ELAPOR2: variants seen among roughly 807,000 people sequenced by gnomAD.
ELAPOR2 encodes the protein endosome/lysosome-associated apoptosis and autophagy regulator family member 2.
A neutral mutation model predicts 120.7 loss-of-function variants in ELAPOR2; 89 were observed. The ratio of observed to expected loss-of-function variants is 0.74; its 90% CI spans 0.62 to 0.88. The LOEUF (loss-of-function observed/expected upper bound fraction) is 0.88, where lower values mean the gene tolerates loss of function less well. Ranked by LOEUF, ELAPOR2 falls within the 40% of genes least tolerant of loss-of-function variation. The probability of loss-of-function intolerance (pLI) is 0.00; values close to 1 mark genes in which losing one functional copy is unlikely to be tolerated. For missense variants in ELAPOR2, 1,134 were observed against 1,251.6 expected (o/e 0.91, Z 1.42); for synonymous variants, 444 against 444.9 (o/e 1.00, Z 0.03).
Position 86,897,455 on chromosome 7 carries a change from A to C in ELAPOR2, c.2685+51T>G, listed in dbSNP as rs75527762. On this transcript the variant is annotated intron_variant, in intron 19 of 21. Transcript: ENST00000450689. ...ACCTGAGTTTCTATGATTTGATGCC[A>C]GATTAACCAACTATAATGCCGAAGC... 7,447 of 1,581,484 alleles carry C rather than the reference A, an allele frequency of 4.7e-3. 58 individuals are homozygous for C. The highest frequency in any genetic ancestry group is 0.035 in the African/African-American group (2,543 of 73,528).
intron 2 of ELAPOR2, among the ~76,000 whole-genome samples, chr7:86,961,779 T>C (rs1791718177): frequency 6.6e-6 from 1 of 152,228 alleles, no homozygotes; most frequent in Non-Finnish European, 1.5e-5. Context: ...AGGAATGGCA[T>C]GCTACTTGCA....
chr7:86,956,490 G>C (rs1271007667), intron 2 of ELAPOR2, among the ~76,000 whole-genome samples: 1 of 152,118 alleles, frequency 6.6e-6, no homozygotes. Flanking sequence ...GGAACTGTAT[G>C]ACTATCACTG....
At chr7:86,902,406 C>T (rs1788767627) in intron 18 of ELAPOR2, among the ~76,000 whole-genome samples, 1 of 152,230 alleles carries the variant, frequency 6.6e-6, no homozygotes, top group South Asian at 2.1e-4. Flanking sequence ...AAACTCCTGA[C>T]CTCATTTGAT....
intron 1 of ELAPOR2, among the ~76,000 whole-genome samples, chr7:87,007,685 A>G (rs1466045805): frequency 1.3e-5 from 2 of 152,228 alleles, no homozygotes; most frequent in Non-Finnish European, 2.9e-5. Context: ...CAGGAAAAGT[A>G]TATGATAAGC....
chr7:86,937,756 G>T (rs1790627731), intron 8 of ELAPOR2, among the ~76,000 whole-genome samples: 1 of 151,984 alleles, frequency 6.6e-6, no homozygotes, highest in African/African-American at 2.4e-5. Flanking sequence ...ATTACTTCTG[G>T]AAAAAATGTA....
chr7:86,983,198 A>T (rs559614579), intron 1 of ELAPOR2, among the ~76,000 whole-genome samples: 1 of 152,354 alleles, frequency 6.6e-6, no homozygotes, highest in South Asian at 2.1e-4. Flanking sequence ...GAAAAGACCA[A>T]ATCTACATTT....
intron 2 of ELAPOR2, among the ~76,000 whole-genome samples, chr7:86,962,261 C>T (rs1187896782): frequency 6.6e-6 from 1 of 152,184 alleles, no homozygotes; most frequent in Non-Finnish European, 1.5e-5. Context: ...TCCCCCACTG[C>T]TTCTTTCTGA....
chr7:86,993,439 G>A (rs1286784728), intron 1 of ELAPOR2, among the ~76,000 whole-genome samples: 3 of 152,032 alleles, frequency 2.0e-5, no homozygotes, highest in Non-Finnish European at 2.9e-5. Flanking sequence ...TCAAAGAGAT[G>A]AGTTATTTCA....
intron 21 of ELAPOR2, chr7:86,891,474 T>C (rs890151349): frequency 1.0e-5 from 4 of 384,638 alleles, no homozygotes; most frequent in Non-Finnish European, 1.4e-5. Flanking sequence ...CAGAGTTGCA[T>C]AGTATTCTAT....
At chr7:86,926,660 A>G in intron 9 of ELAPOR2, 76 bp downstream of exon 9, 1 of 1,363,484 alleles carries the variant, frequency 7.3e-7, no homozygotes, top group Non-Finnish European at 9.9e-7. Flanking sequence ...CATAAAAACA[A>G]TTTAGAAAAT....
chr7:86,925,592 G>T lies in ELAPOR2; in HGVS notation c.1335C>A (p.Val445=). The change falls in exon 10 of 22, where the codon GTC becomes GTA. Residue 445 remains valine (V), a synonymous_variant. Coordinates refer to ENST00000450689, the MANE Select transcript of ELAPOR2 (RefSeq NM_001142749.3). ...AGGAAGTTTTCATGTTGCCAGGAAGGACATTCCACCATTTATATTCAAAGC... is the reference window on the plus strand; with the variant it reads ...AGGAAGTTTTCATGTTGCCAGGAAGTACATTCCACCATTTATATTCAAAGC... ...ALGFEYKWWN[V]LPGNMKTSCF... The T allele has an allele frequency of 1.2e-6, 2 of 1,611,932 alleles. No individual in the cohort carries two copies. The highest frequency in any genetic ancestry group is 2.2e-5 in the South Asian group (2 of 91,042).
chr7:86,943,869 G>A (rs1290938652), intron 4 of ELAPOR2, among the ~76,000 whole-genome samples: 1 of 152,052 alleles, frequency 6.6e-6, no homozygotes, highest in African/African-American at 2.4e-5. Flanking sequence ...CTCCTTAAAA[G>A]ATATTGTCAC....
intron 1 of ELAPOR2, among the ~76,000 whole-genome samples, chr7:86,983,382 T>C (rs1037846509): frequency 3.9e-5 from 6 of 151,970 alleles, no homozygotes; most frequent in African/African-American, 1.5e-4. Context: ...AGACACATAA[T>C]TGTCAGATTC....
At chr7:86,917,542 T>C (rs1789621582) in intron 12 of ELAPOR2, among the ~76,000 whole-genome samples, 1 of 152,180 alleles carries the variant, frequency 6.6e-6, no homozygotes, top group African/African-American at 2.4e-5. Context: ...GCAATGGCAC[T>C]GAGTATGAGA....
chr7:86,989,880 T>C (rs1440911810), intron 1 of ELAPOR2, among the ~76,000 whole-genome samples: 4 of 152,044 alleles, frequency 2.6e-5, no homozygotes, highest in African/African-American at 7.2e-5. Context: ...TATTCAGCAT[T>C]AGGCAAAATT....
At chr7:86,912,880 G>C (rs1255140744) in intron 14 of ELAPOR2, 61 bp downstream of exon 14, 4 of 1,561,184 alleles carry the variant, frequency 2.6e-6, no homozygotes, top group Non-Finnish European at 3.5e-6. Context: ...TAAGGAGAAC[G>C]CTTGAATTTC....
chr7:86,919,193 G>T, intron 11 of ELAPOR2, 27 bp downstream of exon 11: 1 of 1,516,476 alleles, frequency 6.6e-7, no homozygotes, highest in African/African-American at 1.4e-5. Flanking sequence ...GATTCTTACA[G>T]AAAAGAATTA....
At chr7:86,994,718 A>C (rs4728657) in intron 1 of ELAPOR2, among the ~76,000 whole-genome samples, 57,384 of 151,720 alleles carry the variant, frequency 0.38, 11,691 homozygotes, top group African/African-American at 0.53. Context: ...GGTAAGAAAA[A>C]GTTGACTTAG....
intron 1 of ELAPOR2, among the ~76,000 whole-genome samples, chr7:86,987,485 TAAAC>T (rs1285382832): frequency 6.6e-6 from 1 of 151,890 alleles, no homozygotes; most frequent in African/African-American, 2.4e-5. Flanking sequence ...ACAAAGAACT[TAAAC>T]AAACTTACAA....
Sources: allele counts gnomAD v4.1 joint callset (sites outside exome capture counted in the v4.1 genomes callset), GRCh38; gene constraint gnomAD v4.1.1; transcripts MANE v1.5; gene names NCBI Gene and HGNC (gene_info 2026-07-23, HGNC 2026-07-21).